Variants in KIF26B observed in about 807,000 individuals in gnomAD.
KIF26B encodes kinesin-like protein KIF26B.
KIF26B carries 63 observed loss-of-function variants against 151.2 expected under a neutral mutation model. That is an observed-to-expected ratio of 0.42 (90% confidence interval 0.34 to 0.51). The LOEUF is 0.51. Among genes scored for constraint, KIF26B ranks in the 20% least tolerant of loss-of-function variants. The pLI is 0.07. For missense variants in KIF26B, 2,813 were observed against 2,913.6 expected, an observed-to-expected ratio of 0.97 and a Z score of 0.79; for synonymous variants, 1,357 against 1,262.1, an observed-to-expected ratio of 1.08 and a Z score of -1.59.
chr1:245,646,353 T>G (rs1400968455), intron 10 of KIF26B, 73 bp downstream of exon 10: 3 of 1,502,046 alleles, frequency 2.0e-6, no homozygotes, highest in East Asian at 4.7e-5. Flanking sequence ...GTGCCATCTG[T>G]GGAGAGGTGT....
rs1224682976 is a variant in KIF26B, at chr1:245,602,728, A to G, written c.1502A>G (p.Gln501Arg). The G allele has an allele frequency of 5.0e-6, 8 of 1,613,932 alleles. No individual in the cohort carries two copies. The South Asian group carries it at 6.6e-5, about 13-fold the overall frequency. ...AATGCCTTCCAAAAGAGAGGCAACC[A>G]GGTTCCTCCAAAGATGTTTGCCTTC... Reference protein sequence around the residue: ...GQNAFQKRGNQVPPKMFAFDA... With the variant: ...GQNAFQKRGNRVPPKMFAFDA... The change falls in exon 6 of 15, where the codon CAG becomes CGG. Residue 501 changes from glutamine (Q) to arginine (R), a missense_variant. Gln to Arg is a conservative substitution (Grantham distance 43). This residue lies in a region of KIF26B where 676 missense variants were observed against 688.1 expected (regional missense o/e 0.98). Transcript: ENST00000407071. This position sits in a 1 kb window ranked among gnomAD's most constrained non-coding sequence, Gnocchi z 4.5.
rs1673754213 is a variant in KIF26B, at chr1:245,393,677, C to T, written c.1000-25902C>T. On this transcript the variant is annotated intron_variant, in intron 3 of 14. Transcript: ENST00000407071. The stretch of plus-strand genomic sequence containing the variant: ...TTTTCTTTTGAGTTGTTGAGATCTC[C>T]CAGGAAAGACTCTTCTAATTTCCAG... 2.0e-5 allele frequency among the ~76,000 whole-genome samples: 3 copies of T among 152,074 alleles called. No individual in the cohort carries two copies. The South Asian group carries it at 6.2e-4, about 32-fold the overall frequency.
chr1:245,470,263 G>A (rs764703210), intron 4 of KIF26B, among the ~76,000 whole-genome samples: 1 of 152,218 alleles, frequency 6.6e-6, no homozygotes, highest in East Asian at 1.9e-4. Flanking sequence ...AGGCAGAAGG[G>A]AGGCGAACTA....
rs767118431 is a variant in KIF26B, at chr1:245,687,824, C to T, written c.4841C>T (p.Pro1614Leu). 1.6e-5 allele frequency: 25 copies of T among 1,596,736 alleles called. No homozygotes were observed. The highest frequency in any genetic ancestry group is 2.0e-5 in the Non-Finnish European group (24 of 1,172,444). ...SSLDQKNRAS[P>L]QHSASGSGTS... ...CTGGACCAGAAGAACCGGGCCAGCC[C>T]TCAGCACAGTGCCAGCGGCAGCGGC... The change falls in exon 12 of 15, where the codon CCT becomes CTT. Residue 1614 changes from proline to leucine, a missense_variant. Physicochemically the swap from Pro to Leu is moderately conservative, Grantham distance 98 (BLOSUM62 -3). Coordinates refer to ENST00000407071, the MANE Select transcript of KIF26B (RefSeq NM_018012.4). The surrounding 1 kb of genome is among the most constrained non-coding windows in gnomAD (Gnocchi z 4.9).
At chr1:245,543,062 C>G (rs1402040785) in intron 5 of KIF26B, among the ~76,000 whole-genome samples, 1 of 152,172 alleles carries the variant, frequency 6.6e-6, no homozygotes, top group Non-Finnish European at 1.5e-5. Flanking sequence ...AGAAACCGTC[C>G]TCCTGCACCT....
intron 2 of KIF26B, among the ~76,000 whole-genome samples, chr1:245,330,312 A>G (rs58464570): frequency 0.26 from 35,793 of 136,404 alleles, 7,887 homozygotes; most frequent in African/African-American, 0.59. Context: ...AGGGGCAGTC[A>G]CATGGCCTCA....
chr1:245,333,060 C>G (rs1371026754), intron 2 of KIF26B, among the ~76,000 whole-genome samples: 3 of 152,104 alleles, frequency 2.0e-5, no homozygotes, highest in East Asian at 3.9e-4. Context: ...AAATCAGAGT[C>G]AGCATGCAGG....
intron 2 of KIF26B, among the ~76,000 whole-genome samples, chr1:245,308,054 G>T (rs143231867): frequency 1.3e-5 from 2 of 151,960 alleles, no homozygotes; most frequent in Non-Finnish European, 2.9e-5. Context: ...CATCTGACTC[G>T]TTTCTATTAC....
At chr1:245,635,394 C>T (rs2043824170) in intron 9 of KIF26B, among the ~76,000 whole-genome samples, 1 of 151,964 alleles carries the variant, frequency 6.6e-6, no homozygotes, top group African/African-American at 2.4e-5. Context: ...TTTTTCCATT[C>T]TTACACATTG....
chr1:245,184,837 G>C (rs530543027), intron 2 of KIF26B, among the ~76,000 whole-genome samples: 69 of 152,322 alleles, frequency 4.5e-4, no homozygotes, highest in African/African-American at 1.6e-3. Flanking sequence ...GTGGCTGCCA[G>C]GTTGCTTCCT....
chr1:245,656,905 AGTT>A (rs2044081330), intron 10 of KIF26B, among the ~76,000 whole-genome samples: 1 of 152,318 alleles, frequency 6.6e-6, no homozygotes, highest in East Asian at 1.9e-4. Context: ...TTTGTGGAGT[AGTT>A]AAGTTGTATC....
intron 2 of KIF26B, among the ~76,000 whole-genome samples, chr1:245,328,099 G>T (rs1274120821): frequency 2.0e-5 from 3 of 150,902 alleles, no homozygotes; most frequent in Admixed American, 6.6e-5. Flanking sequence ...TGGGCAGGAG[G>T]TCTCCGAATG....
intron 2 of KIF26B, among the ~76,000 whole-genome samples, chr1:245,364,889 C>A (rs923044567): frequency 2.6e-5 from 4 of 152,168 alleles, no homozygotes; most frequent in Non-Finnish European, 5.9e-5. Flanking sequence ...GAAACTGTAT[C>A]TTTGCATATA....
At chr1:245,303,221 C>T (rs1159161901) in intron 2 of KIF26B, among the ~76,000 whole-genome samples, 2 of 118,296 alleles carry the variant, frequency 1.7e-5, no homozygotes, top group African/African-American at 3.3e-5. Context: ...TTTTTTGCGA[C>T]GGAGTCTCGC....
intron 4 of KIF26B, among the ~76,000 whole-genome samples, chr1:245,452,699 T>G (rs1056774908): frequency 1.3e-5 from 2 of 152,192 alleles, no homozygotes; most frequent in African/African-American, 4.8e-5. Context: ...GACTAAGAGA[T>G]GATGTTGATC....
chr1:245,520,677 A>G (rs1186561028), intron 4 of KIF26B, among the ~76,000 whole-genome samples: 2 of 150,848 alleles, frequency 1.3e-5, no homozygotes, highest in African/African-American at 4.9e-5. Context: ...GTAAGTGTTT[A>G]TTGAGTATCC....
chr1:245,408,625 A>G (rs4658768), intron 3 of KIF26B, among the ~76,000 whole-genome samples: 34,649 of 152,042 alleles, frequency 0.23, 6,093 homozygotes, highest in African/African-American at 0.49. Context: ...AAAGTGTTGG[A>G]ATTACCAGCG....
At chr1:245,360,104 C>A (rs1672785721) in intron 2 of KIF26B, among the ~76,000 whole-genome samples, 1 of 151,844 alleles carries the variant, frequency 6.6e-6, no homozygotes, top group Non-Finnish European at 1.5e-5. Context: ...AACTCTTGAC[C>A]TCAAGTGATC....
At chr1:245,631,043 G>T (rs2043775739) in intron 9 of KIF26B, among the ~76,000 whole-genome samples, 1 of 152,118 alleles carries the variant, frequency 6.6e-6, no homozygotes, top group Non-Finnish European at 1.5e-5. Context: ...TCTTTAGGTT[G>T]TTCTAATTAT....
Sources: gnomAD v4.1 joint callset for allele counts (sites outside exome capture counted in the v4.1 genomes callset) on GRCh38, gnomAD v4.1.1 for gene constraint, gnomAD v4.1.1 regional missense constraint, Gnocchi (gnomAD v3.1) non-coding constraint, MANE v1.5 for transcripts, NCBI Gene and HGNC (gene_info 2026-07-23, HGNC 2026-07-21) for gene names.